The following PALD1 variants were observed in gnomAD, a reference collection of about 807,000 sequenced individuals.
PALD1 encodes phosphatase domain containing paladin 1, also known as paladin.
A neutral mutation model predicts 96.0 loss-of-function variants in PALD1; 57 were observed. That is an observed-to-expected ratio of 0.59 (90% confidence interval 0.48 to 0.74). The LOEUF is 0.74. Among genes scored for constraint, PALD1 ranks in the 30% least tolerant of loss-of-function variants. The probability of loss-of-function intolerance (pLI) is 0.00; values close to 1 mark genes in which losing one functional copy is unlikely to be tolerated. For missense variants in PALD1, 1,063 were observed against 1,143.7 expected (o/e 0.93, Z 1.02); for synonymous variants, 464 against 473.6 (o/e 0.98, Z 0.26).
chr10:70,482,935 T>C (rs1009226094), intron 1 of PALD1, among the ~76,000 whole-genome samples: 4 of 152,128 alleles, frequency 2.6e-5, no homozygotes, highest in African/African-American at 9.7e-5. Flanking sequence ...CCAGGATGCT[T>C]GCACAGGACC....
At chr10:70,496,748 C>T (rs757118035) in intron 1 of PALD1, among the ~76,000 whole-genome samples, 7 of 152,140 alleles carry the variant, frequency 4.6e-5, no homozygotes, top group Non-Finnish European at 8.8e-5. Flanking sequence ...CATGAACACC[C>T]GCTTCTCTAG....
intron 1 of PALD1, among the ~76,000 whole-genome samples, chr10:70,514,450 G>T (rs1345084073): frequency 6.7e-6 from 1 of 149,568 alleles, no homozygotes; most frequent in African/African-American, 2.5e-5. Flanking sequence ...TGTGATCCCA[G>T]CCCCCAGACA....
At chr10:70,460,837 C>A in the PALD1 span, among the ~76,000 whole-genome samples, 1 of 152,200 alleles carries the variant, frequency 6.6e-6, no homozygotes, top group East Asian at 1.9e-4. Flanking sequence ...GGGCGGATCA[C>A]CTGAGGTCAA....
At chr10:70,477,973 G>T (rs953527794), upstream of PALD1, among the ~76,000 whole-genome samples, 1 of 152,164 alleles carries the variant, frequency 6.6e-6, no homozygotes, top group African/African-American at 2.4e-5. Flanking sequence ...TCGCGGGGGC[G>T]TGCGGGGCCG....
At chr10:70,479,105 T>G (rs983491741) in intron 1 of PALD1, 46 bp downstream of exon 1, 2 of 152,480 alleles carry the variant, frequency 1.3e-5, no homozygotes, top group Admixed American at 1.3e-4. Flanking sequence ...AGGGCAAATC[T>G]GGAATCCCCC....
At chr10:70,497,074 A>G (rs1164476706) in intron 1 of PALD1, among the ~76,000 whole-genome samples, 2 of 151,836 alleles carry the variant, frequency 1.3e-5, no homozygotes, top group African/African-American at 4.8e-5. Context: ...TTCCTCGCCC[A>G]CCTCCTTCCC....
chr10:70,564,226 G>A (rs999288007), intron 18 of PALD1, 138 bp from the exon 19 acceptor site: 9 of 886,016 alleles, frequency 1.0e-5, no homozygotes, highest in South Asian at 5.1e-5. Context: ...TGCTTGTCCT[G>A]TAACCCAGGT....
intron 11 of PALD1, 135 bp from the exon 12 acceptor site, chr10:70,538,145 T>C: frequency 1.0e-6 from 1 of 962,420 alleles, no homozygotes. Context: ...CCAGGTCTTC[T>C]CTCAGCCACT....
intron 1 of PALD1, among the ~76,000 whole-genome samples, chr10:70,481,527 C>G (rs1845932118): frequency 6.6e-6 from 1 of 152,220 alleles, no homozygotes; most frequent in Non-Finnish European, 1.5e-5. Context: ...AGCAGGTGCT[C>G]TTTGAATTTT....
chr10:70,468,918 G>C, the PALD1 span, among the ~76,000 whole-genome samples: 1 of 152,118 alleles, frequency 6.6e-6, no homozygotes, highest in African/African-American at 2.4e-5. Context: ...AGCTGGTAAG[G>C]GACAGAGCTG....
intron 18 of PALD1, among the ~76,000 whole-genome samples, chr10:70,549,046 C>CAAAAA (rs71472976): frequency 5.4e-5 from 4 of 74,688 alleles, no homozygotes; most frequent in Non-Finnish European, 9.8e-5. Context: ...TTGTCTCTAC[C>CAAAAA]AAAAAAAAAA....
chr10:70,508,325 G>T (rs1846435766), intron 1 of PALD1, among the ~76,000 whole-genome samples: 1 of 152,164 alleles, frequency 6.6e-6, no homozygotes, highest in Non-Finnish European at 1.5e-5. Flanking sequence ...TTTTGTTATT[G>T]ATGTTGATTA....
At chr10:70,509,015 G>A (rs140008965) in intron 1 of PALD1, among the ~76,000 whole-genome samples, 96 of 152,302 alleles carry the variant, frequency 6.3e-4, no homozygotes, top group African/African-American at 2.2e-3. Context: ...TTGAGCTGAG[G>A]CAGATGTTTC....
In PALD1 at chr10:70,534,437, G is replaced by T. The variant is rs562698957; in HGVS notation, c.1035G>T (p.Thr345=). 9 of 1,610,016 alleles carry T rather than the reference G, an allele frequency of 5.6e-6. No homozygotes were observed. The East Asian group carries it at 2.0e-4, about 36-fold the overall frequency. The change falls in exon 9 of 20, where the codon ACG becomes ACT. Residue 345 remains threonine (T), a synonymous_variant. Transcript: ENST00000263563. ...CCTGCCTCGACAGGGCTGCCCCCACGCAGGCCAAGCCCCTGCCTATGGAGC... is the reference window on the plus strand; with the variant it reads ...CCTGCCTCGACAGGGCTGCCCCCACTCAGGCCAAGCCCCTGCCTATGGAGC... ...GTTSQPEAAP[T]QAKPLPMEQF...
chr10:70,488,129 T>C lies in PALD1; in HGVS notation c.-30+9070T>C, dbSNP rs973050382. Among the ~76,000 whole-genome samples the C allele has an allele frequency of 0.014, 17 of 1,204 alleles. No individual in the cohort carries two copies. In the Admixed American group the frequency reaches 0.19, roughly 13 times the overall value. The allele number at this position is 1,204 out of a possible 152,430, so 0.8% of individuals were successfully genotyped here. ...AAAAATAGTTTAAAATTTCTCTCTCTTTTTTTTTTTAAGAAGGGCCTCTTT... is the reference window on the plus strand; with the variant it reads ...AAAAATAGTTTAAAATTTCTCTCTCCTTTTTTTTTTAAGAAGGGCCTCTTT... On this transcript the variant is annotated intron_variant, in intron 1 of 19. Transcript: ENST00000263563.
At chr10:70,560,403 T>A (rs1276768868) in intron 18 of PALD1, among the ~76,000 whole-genome samples, 2 of 151,624 alleles carry the variant, frequency 1.3e-5, no homozygotes, top group African/African-American at 4.9e-5. Flanking sequence ...GCCTACTCTT[T>A]GAAGGGTTAA....
chr10:70,501,489 C>A (rs1040671548), intron 1 of PALD1, among the ~76,000 whole-genome samples: 19 of 152,256 alleles, frequency 1.2e-4, no homozygotes, highest in African/African-American at 4.1e-4. Flanking sequence ...CTACGCAGCT[C>A]CTTCTTACCC....
At chr10:70,545,652 G>A (rs1207449392) in intron 17 of PALD1, among the ~76,000 whole-genome samples, 4 of 151,814 alleles carry the variant, frequency 2.6e-5, no homozygotes, top group Non-Finnish European at 4.4e-5. Flanking sequence ...TGGCCAGGTT[G>A]GTCTTGAACT....
intron 1 of PALD1, among the ~76,000 whole-genome samples, chr10:70,507,806 T>G (rs918576379): frequency 3.4e-5 from 5 of 148,534 alleles, no homozygotes; most frequent in Non-Finnish European, 7.4e-5. Context: ...ATGTATGTGT[T>G]CGTAGAGATG....
Sources: gnomAD v4.1 joint callset for allele counts (sites outside exome capture counted in the v4.1 genomes callset) on GRCh38, gnomAD v4.1.1 for gene constraint, MANE v1.5 for transcripts, NCBI Gene and HGNC (gene_info 2026-07-23, HGNC 2026-07-21) for gene names.